Variants in XYLT1 observed in about 807,000 individuals in gnomAD.
The protein encoded by XYLT1 is xylosyltransferase 1, also known as beta-D-xylosyltransferase 1.
In XYLT1, 36 loss-of-function variants were observed where a neutral mutation model predicts 91.3. That is an observed-to-expected ratio of 0.39 (90% CI 0.30 to 0.52). The LOEUF is 0.52. Among genes scored for constraint, XYLT1 ranks in the 20% least tolerant of loss-of-function variants. The pLI is 0.68. For missense variants in XYLT1, 1,242 were observed against 1,284.5 expected, an observed-to-expected ratio of 0.97 and a Z score of 0.51; for synonymous variants, 588 against 532.0, an observed-to-expected ratio of 1.11 and a Z score of -1.45.
chr16:17,322,289 ACCT>A (rs1949603008), intron 2 of XYLT1, among the ~76,000 whole-genome samples: 1 of 152,094 alleles, frequency 6.6e-6, no homozygotes, highest in Admixed American at 6.6e-5. Flanking sequence ...GCCAGCTCAC[ACCT>A]CCTAAGCCTC....
intron 3 of XYLT1, among the ~76,000 whole-genome samples, chr16:17,245,488 C>T (rs931192287): frequency 2.6e-5 from 4 of 152,214 alleles, no homozygotes; most frequent in East Asian, 3.8e-4. Flanking sequence ...TTACTAATTT[C>T]GCCATTAAGA....
intron 1 of XYLT1, among the ~76,000 whole-genome samples, chr16:17,464,861 T>C (rs774799548): frequency 6.6e-6 from 1 of 152,034 alleles, no homozygotes; most frequent in Admixed American, 6.5e-5. Context: ...ATAAAGATTT[T>C]TGGGGCTGGG....
chr16:17,232,088 A>G (rs909521422), intron 3 of XYLT1, among the ~76,000 whole-genome samples: 3 of 146,840 alleles, frequency 2.0e-5, no homozygotes, highest in African/African-American at 7.4e-5. Context: ...TTATTATAAT[A>G]ATCTATTATT....
At chr16:17,240,955 G>A (rs1432212024) in intron 3 of XYLT1, among the ~76,000 whole-genome samples, 2 of 152,288 alleles carry the variant, frequency 1.3e-5, no homozygotes, top group South Asian at 2.1e-4. Context: ...CCATGTCCTT[G>A]ACCATCTGGA....
intron 10 of XYLT1, among the ~76,000 whole-genome samples, chr16:17,125,476 C>A (rs913885788): frequency 2.0e-5 from 3 of 152,110 alleles, no homozygotes; most frequent in Non-Finnish European, 4.4e-5. Flanking sequence ...GCACCCAGTA[C>A]ATTGGTCTCC....
intron 2 of XYLT1, among the ~76,000 whole-genome samples, chr16:17,266,408 AT>A (rs540122216): frequency 2.6e-5 from 4 of 152,270 alleles, no homozygotes; most frequent in Admixed American, 2.6e-4. Flanking sequence ...GTACTAACTC[AT>A]TTAATCTCCA....
chr16:17,198,393 G>C lies in XYLT1; in HGVS notation c.1108C>G (p.Gln370Glu), dbSNP rs749334503. The C allele has an allele frequency of 1.9e-6, 3 of 1,614,150 alleles. No homozygotes were observed. The highest frequency in any genetic ancestry group is 2.5e-6 in the Non-Finnish European group (3 of 1,180,018). ...VDKRSNYLHR[Q>E]VLQVSRQYSN... Reference sequence around the variant, plus strand: ...TACTGCCTGGAGACCTGGAGCACTTGCCGATGCAGGTAATTAGAGCGCTTT... The same window carrying C: ...TACTGCCTGGAGACCTGGAGCACTTCCCGATGCAGGTAATTAGAGCGCTTT... Residue 370 changes from glutamine (Q) to glutamate (E), a missense_variant, in exon 5 of 12, where the codon CAA becomes GAA. Transcript: ENST00000261381.
At chr16:17,253,859 A>AGAGAGAGAGAGAGAGAGAGAGC (rs1555491314) in intron 3 of XYLT1, among the ~76,000 whole-genome samples, 25 of 146,244 alleles carry the variant, frequency 1.7e-4, no homozygotes, top group African/African-American at 5.9e-4. Context: ...AGAGAGAGAG[A>AGAGAGAGAGAGAGAGAGAGAGC]GAGCGAGCCT....
chr16:17,200,913 G>A (rs2032528524), intron 3 of XYLT1, among the ~76,000 whole-genome samples: 1 of 152,164 alleles, frequency 6.6e-6, no homozygotes. Flanking sequence ...AGAGACACAT[G>A]GACACATATT....
At chr16:17,373,343 A>T (rs549392678) in intron 1 of XYLT1, among the ~76,000 whole-genome samples, 4 of 152,178 alleles carry the variant, frequency 2.6e-5, no homozygotes, top group Non-Finnish European at 5.9e-5. Flanking sequence ...ATGTGCCTCA[A>T]CCTAGGCTTG....
intron 1 of XYLT1, among the ~76,000 whole-genome samples, chr16:17,456,162 T>C (rs2036738726): frequency 6.6e-6 from 1 of 152,052 alleles, no homozygotes; most frequent in Non-Finnish European, 1.5e-5. Context: ...AGAGCCAGAC[T>C]TTCAGCTTCC....
intron 1 of XYLT1, among the ~76,000 whole-genome samples, chr16:17,420,082 T>C (rs1418460456): frequency 6.6e-6 from 1 of 152,234 alleles, no homozygotes; most frequent in Non-Finnish European, 1.5e-5. Flanking sequence ...GCTTGCTCTT[T>C]TGTCTTTGTA....
At chr16:17,469,700 T>A (rs1005696223) in intron 1 of XYLT1, among the ~76,000 whole-genome samples, 1 of 152,152 alleles carries the variant, frequency 6.6e-6, no homozygotes, top group Non-Finnish European at 1.5e-5. Context: ...GCTGGTGACC[T>A]GAACCGGCCG....
At chr16:17,217,960 A>T (rs112133856) in intron 3 of XYLT1, among the ~76,000 whole-genome samples, 37,095 of 148,240 alleles carry the variant, frequency 0.25, 5,042 homozygotes, top group South Asian at 0.35. Context: ...ATAATAATAA[A>T]AAAAAAAAAA....
chr16:17,285,944 G>C (rs1414819668), intron 2 of XYLT1, among the ~76,000 whole-genome samples: 1 of 151,852 alleles, frequency 6.6e-6, no homozygotes, highest in Non-Finnish European at 1.5e-5. Flanking sequence ...GTGAGTGAGA[G>C]AGAGAGAGAA....
chr16:17,273,056 T>C (rs947652409), intron 2 of XYLT1, among the ~76,000 whole-genome samples: 1 of 152,226 alleles, frequency 6.6e-6, no homozygotes, highest in Admixed American at 6.5e-5. Flanking sequence ...AGAGCTGTCC[T>C]GCATCCTGCA....
intron 5 of XYLT1, among the ~76,000 whole-genome samples, chr16:17,187,552 G>C (rs1242390682): frequency 1.0e-5 from 1 of 99,610 alleles, no homozygotes; most frequent in Non-Finnish European, 1.8e-5. Flanking sequence ...GGGTGACAGA[G>C]CCAAACGCTG....
intron 1 of XYLT1, among the ~76,000 whole-genome samples, chr16:17,386,023 C>G (rs944760680): frequency 2.0e-5 from 3 of 152,060 alleles, no homozygotes; most frequent in African/African-American, 7.2e-5. Context: ...TAGTGCCTGC[C>G]ACAGAGCCAA....
chr16:17,375,481 A>AACACACACAACACACACACAC (rs2035587099), intron 1 of XYLT1, among the ~76,000 whole-genome samples: 2 of 147,430 alleles, frequency 1.4e-5, no homozygotes, highest in Non-Finnish European at 3.0e-5. Context: ...TAACATTTAA[A>AACACACACAACACACACACAC]ACACACACAC....
Sources: gnomAD v4.1 joint callset for allele counts (sites outside exome capture counted in the v4.1 genomes callset) on GRCh38, gnomAD v4.1.1 for gene constraint, MANE v1.5 for transcripts, NCBI Gene and HGNC (gene_info 2026-07-23, HGNC 2026-07-21) for gene names.